Variants in ZNF280C observed in about 807,000 individuals in gnomAD.
The protein encoded by ZNF280C is zinc finger protein 280C, also known as suppressor of hairy wing homolog 3.
In ZNF280C, 14 loss-of-function variants were observed where a neutral mutation model predicts 53.6. The observed-to-expected ratio is 0.26, with a 90% confidence interval of 0.17 to 0.41. The LOEUF (loss-of-function observed/expected upper bound fraction) is 0.41. Ranked by LOEUF, ZNF280C falls within the 10% of genes least tolerant of loss-of-function variation. The probability of loss-of-function intolerance (pLI) is 1.00; values close to 1 mark genes in which losing one functional copy is unlikely to be tolerated. For missense variants in ZNF280C, 416 were observed against 547.1 expected (o/e 0.76, Z 2.39); for synonymous variants, 203 against 181.1 (o/e 1.12, Z -0.97).
At chrX:130,213,148 T>C (rs2032058683) in intron 15 of ZNF280C, among the ~76,000 whole-genome samples, 1 of 109,253 alleles carries the variant, frequency 9.2e-6, no homozygotes, top group Non-Finnish European at 1.9e-5. Flanking sequence ...GGTCAGGAGA[T>C]CGAGACCATC....
intron 1 of ZNF280C, among the ~76,000 whole-genome samples, chrX:130,264,056 A>C (rs1178847828): frequency 9.5e-6 from 1 of 104,714 alleles, no homozygotes; most frequent in Admixed American, 1.0e-4. Context: ...AGAAAGAAAG[A>C]AAGAAAGAAA....
intron 2 of ZNF280C, among the ~76,000 whole-genome samples, chrX:130,251,375 C>T (rs1232900562): frequency 2.9e-5 from 3 of 102,511 alleles, no homozygotes; most frequent in Admixed American, 1.1e-4. Context: ...TCCACCAAAA[C>T]GAGACTTAAG....
chrX:130,211,136 T>A (rs1167152855), intron 15 of ZNF280C, among the ~76,000 whole-genome samples: 2 of 111,868 alleles, frequency 1.8e-5, no homozygotes, highest in African/African-American at 6.5e-5. Flanking sequence ...TAGCTGTAAT[T>A]CCAAGAAAAC....
chrX:130,205,875 T>TAAA (rs147621506), intron 16 of ZNF280C, among the ~76,000 whole-genome samples: 11 of 85,660 alleles, frequency 1.3e-4, no homozygotes, highest in African/African-American at 4.7e-4. Flanking sequence ...GAGACTATGT[T>TAAA]AAAAAAAAAA....
In ZNF280C at chrX:130,205,366, C is replaced by T. The variant is rs778134912; in HGVS notation, c.2092G>A (p.Gly698Ser). The change falls in exon 17 of 19, where the codon GGC (glycine) becomes AGC (serine). Residue 698 changes from glycine to serine, a missense_variant. This residue lies in a region of ZNF280C where 151 missense variants were observed against 176.9 expected (regional missense o/e 0.85). Coordinates refer to ENST00000370978, the MANE Select transcript of ZNF280C (RefSeq NM_017666.5). ...AAGTGTTTAGCCATACGATCTAAGC[C>T]GGAAGAATCAGCTAGGAAATCACAT... ...LKCDFLADSS[G>S]LDRMAKHLSQ... The T allele has an allele frequency of 8.3e-6, 10 of 1,207,575 alleles. No individual in the cohort carries two copies. Among genetic ancestry groups the T allele is most frequent in the African/African-American group, 3.5e-5 (2 of 57,388 alleles).
rs2032337376 is a variant in ZNF280C at position 130,236,580 on chromosome X, TAAC to T, written c.550_552del (p.Val184del). On this transcript the variant is annotated inframe_deletion, in exon 7 of 19. Coordinates refer to ENST00000370978, the MANE Select transcript of ZNF280C (RefSeq NM_017666.5). ...TCACTGGTCTTTGGTTTTTTTGGAG[TAAC>T]ACTGTTTACTTTAGAAGTAGAAGGA... The T allele has an allele frequency of 8.3e-7, 1 of 1,201,589 alleles. No individual in the cohort carries two copies. The highest frequency in any genetic ancestry group is 1.1e-6 in the Non-Finnish European group (1 of 888,369).
chrX:130,237,584 G>C (rs1165519256), intron 6 of ZNF280C, among the ~76,000 whole-genome samples: 1 of 111,241 alleles, frequency 9.0e-6, no homozygotes, highest in Non-Finnish European at 1.9e-5. Flanking sequence ...TTGTGATAAG[G>C]GTTCTAAAAC....
At chrX:130,220,099 C>T (rs1239796527) in intron 13 of ZNF280C, among the ~76,000 whole-genome samples, 2 of 110,697 alleles carry the variant, frequency 1.8e-5, no homozygotes, top group African/African-American at 3.3e-5. Context: ...TACAAGCATA[C>T]AATACATAAT....
intron 2 of ZNF280C, among the ~76,000 whole-genome samples, chrX:130,252,817 T>C (rs1488541336): frequency 1.3e-4 from 14 of 111,604 alleles, no homozygotes; most frequent in Admixed American, 8.5e-4. Context: ...TCATACAGAA[T>C]GGGCACAAGC....
intron 11 of ZNF280C, among the ~76,000 whole-genome samples, chrX:130,227,125 CTCT>C (rs961327622): frequency 1.1e-4 from 12 of 111,253 alleles, no homozygotes; most frequent in African/African-American, 6.5e-5. Flanking sequence ...CAGTAAGACT[CTCT>C]TCTTCTTTTC....
intron 12 of ZNF280C, among the ~76,000 whole-genome samples, chrX:130,225,421 T>C (rs188729894): frequency 1.4e-4 from 16 of 111,280 alleles, no homozygotes; most frequent in Admixed American, 2.9e-4. Flanking sequence ...TTGAGGACTA[T>C]TACACACTAT....
At chrX:130,259,362 CTGA>C (rs1054681113) in intron 2 of ZNF280C, among the ~76,000 whole-genome samples, 3 of 112,210 alleles carry the variant, frequency 2.7e-5, no homozygotes, top group African/African-American at 9.7e-5. Context: ...CTCATATATA[CTGA>C]TGATTGAAAA....
At chrX:130,264,038 AAAAG>A (rs1190163777) in intron 1 of ZNF280C, among the ~76,000 whole-genome samples, 163 of 105,660 alleles carry the variant, frequency 1.5e-3, no homozygotes, top group African/African-American at 5.2e-3. Context: ...AAAAAAAAAA[AAAAG>A]AAAAGAAAGA....
Position 130,236,326 on chromosome X carries a change from A to G in ZNF280C, c.665-6T>C. On this transcript the variant is annotated splice_polypyrimidine_tract_variant and splice_region_variant and intron_variant, in intron 7 of 18. Transcript: ENST00000370978. ...TGGAGATGAGGTATTTGTACCTACA[A>G]TAAATTAAGAACTTTTAAGACTCAA... 1 of 1,178,517 alleles carries G rather than the reference A, an allele frequency of 8.5e-7. No individual in the cohort carries two copies. The highest frequency in any genetic ancestry group is 1.1e-6 in the Non-Finnish European group (1 of 874,076).
At chrX:130,221,416 C>T (rs1457908103) in intron 12 of ZNF280C, among the ~76,000 whole-genome samples, 4 of 111,604 alleles carry the variant, frequency 3.6e-5, no homozygotes, top group Non-Finnish European at 3.8e-5. Context: ...CTTTAAATAG[C>T]ATCCACCCAC....
chrX:130,215,091 T>G, intron 15 of ZNF280C, 102 bp downstream of exon 15: 1 of 914,570 alleles, frequency 1.1e-6, no homozygotes, highest in Non-Finnish European at 1.5e-6. Context: ...ACCCTTTTAG[T>G]TCCTTGATGA....
At chrX:130,241,372 C>T (rs757096436) in intron 5 of ZNF280C, among the ~76,000 whole-genome samples, 18 of 112,245 alleles carry the variant, frequency 1.6e-4, no homozygotes, top group African/African-American at 5.8e-4. Flanking sequence ...CAAATGTCTA[C>T]GACAATAGTT....
At chrX:130,211,809 G>A (rs1197071034) in intron 15 of ZNF280C, among the ~76,000 whole-genome samples, 6 of 111,897 alleles carry the variant, frequency 5.4e-5, no homozygotes, top group Admixed American at 9.5e-5. Context: ...CAAGACAGTT[G>A]GTGAGCCTAT....
At chrX:130,221,759 C>T (rs1441592770) in intron 12 of ZNF280C, among the ~76,000 whole-genome samples, 2 of 111,870 alleles carry the variant, frequency 1.8e-5, no homozygotes, top group African/African-American at 3.3e-5. Flanking sequence ...GAGCCACTTA[C>T]GCGGACTCTT....
Sources: allele counts gnomAD v4.1 joint callset (sites outside exome capture counted in the v4.1 genomes callset), GRCh38; gene constraint gnomAD v4.1.1; regional missense constraint gnomAD v4.1.1; transcripts MANE v1.5; gene names NCBI Gene and HGNC (gene_info 2026-07-23, HGNC 2026-07-21).